The following PCDHGA3 variants were observed in gnomAD, a reference collection of about 807,000 sequenced individuals.
The protein encoded by PCDHGA3 is protocadherin gamma-A3.
PCDHGA3 carries 40 observed loss-of-function variants against 58.5 expected under a neutral mutation model. The observed-to-expected ratio is 0.68, with a 90% confidence interval of 0.53 to 0.89. PCDHGA3 has a LOEUF of 0.89. Ranked by LOEUF, PCDHGA3 falls within the 40% of genes least tolerant of loss-of-function variation. The pLI is 0.00. For missense variants in PCDHGA3, 1,223 were observed against 1,195.9 expected (o/e 1.02, Z -0.33); for synonymous variants, 530 against 525.7 (o/e 1.01, Z -0.11).
chr5:141,414,908 G>A (rs758472270), intron 1 of PCDHGA3: 19 of 1,614,188 alleles, frequency 1.2e-5, no homozygotes, highest in Non-Finnish European at 1.6e-5. Flanking sequence ...GGTTCCACAG[G>A]CGTGGAGCTG....
chr5:141,394,081 T>C, intron 1 of PCDHGA3: 3 of 1,613,892 alleles, frequency 1.9e-6, no homozygotes, highest in Non-Finnish European at 2.5e-6. Context: ...ATCACAGTGA[T>C]GGCCTCAGAT....
chr5:141,384,282 C>T (rs1230546899), intron 1 of PCDHGA3: 3 of 1,613,858 alleles, frequency 1.9e-6, no homozygotes, highest in African/African-American at 1.3e-5. Flanking sequence ...CAGTCTACAT[C>T]GCTGAGAACA....
intron 1 of PCDHGA3, chr5:141,478,613 G>T: frequency 6.4e-7 from 1 of 1,557,312 alleles, no homozygotes; most frequent in African/African-American, 1.4e-5. Flanking sequence ...ATTGAGGAAG[G>T]AATGGAGCTG....
chr5:141,432,935 C>T lies in PCDHGA3; in HGVS notation c.2425-61872C>T. The T allele has an allele frequency of 4.3e-6, 7 of 1,614,218 alleles. No homozygotes were observed. The highest frequency in any genetic ancestry group is 5.1e-6 in the Non-Finnish European group (6 of 1,180,046). On this transcript the variant is annotated intron_variant, in intron 1 of 3. Transcript: ENST00000253812. This position sits in a 1 kb window ranked among gnomAD's most constrained non-coding sequence, Gnocchi z 6.0. The stretch of plus-strand genomic sequence containing the variant: ...GCGCTGGCACAAGTCACGCCTGCTG[C>T]AGGCTTCAGGAGGCGGCTTGACAGG...
At chr5:141,505,564 G>GGATGTCAAACCTGTGTAGTTTCTCCA in intron 3 of PCDHGA3, 83 bp downstream of exon 3, 1 of 1,603,196 alleles carries the variant, frequency 6.2e-7, no homozygotes, top group Non-Finnish European at 8.5e-7. Context: ...CCCACGGACT[G>GGATGTCAAACCTGTGTAGTTTCTCCA]GATGTCAAAC....
At chr5:141,361,698 T>C (rs779293216) in intron 1 of PCDHGA3, 43 of 1,613,234 alleles carry the variant, frequency 2.7e-5, no homozygotes, top group Admixed American at 5.0e-5. Flanking sequence ...GCGCCTTCGA[T>C]CATGAGCAGC....
rs553462245 is a variant in PCDHGA3 at position 141,511,198 on chromosome 5, A to T, written c.*25A>T. Reference sequence around the variant, plus strand: ...ACATGGAGGCCAGGCCAAGAGCCACAGGGCGGCCTCTCCCCAACCAGCCCA... The same window carrying T: ...ACATGGAGGCCAGGCCAAGAGCCACTGGGCGGCCTCTCCCCAACCAGCCCA... On this transcript the variant is annotated 3_prime_UTR_variant, in exon 4 of 4. Transcript: ENST00000253812. The T allele has an allele frequency of 2.7e-5, 43 of 1,612,954 alleles. 1 individual carries two copies. The South Asian group carries it at 4.5e-4, about 17-fold the overall frequency.
At chr5:141,508,588 C>G (rs1721443459) in intron 3 of PCDHGA3, among the ~76,000 whole-genome samples, 1 of 152,176 alleles carries the variant, frequency 6.6e-6, no homozygotes, top group African/African-American at 2.4e-5. Context: ...GGGTGCTACT[C>G]AGAGATCTTG....
chr5:141,472,200 C>A (rs2099274166), intron 1 of PCDHGA3, among the ~76,000 whole-genome samples: 1 of 152,110 alleles, frequency 6.6e-6, no homozygotes, highest in Non-Finnish European at 1.5e-5. Flanking sequence ...ATCTTTTTGA[C>A]ACTAAGACCT....
chr5:141,415,056 G>T, intron 1 of PCDHGA3: 1 of 1,613,416 alleles, frequency 6.2e-7, no homozygotes. Context: ...GGGAGCACAC[G>T]GGCGAGGTGC....
intron 1 of PCDHGA3, chr5:141,384,886 G>T: frequency 6.2e-7 from 1 of 1,613,822 alleles, no homozygotes. Context: ...ACTCACCGTG[G>T]CTGTGGCTGA....
chr5:141,362,328 C>T (rs1351863626), intron 1 of PCDHGA3: 5 of 1,614,068 alleles, frequency 3.1e-6, no homozygotes, highest in Non-Finnish European at 4.2e-6. Context: ...AGCCTGGTCT[C>T]AGCTCCAAGC....
chr5:141,427,915 T>C lies in PCDHGA3; in HGVS notation c.2425-66892T>C, dbSNP rs779333176. ...GGCTCGCCCGCGCTCAGCGCCAACATGAGCCGGCGCATGTTGGTGGGCGAC... is the reference window on the plus strand; with the variant it reads ...GGCTCGCCCGCGCTCAGCGCCAACACGAGCCGGCGCATGTTGGTGGGCGAC... On this transcript the variant is annotated intron_variant, in intron 1 of 3. Transcript: ENST00000253812. The C allele has an allele frequency of 7.0e-6, 11 of 1,578,094 alleles. No individual in the cohort carries two copies. In the Admixed American group the frequency reaches 8.4e-5, roughly 12 times the overall value.
intron 2 of PCDHGA3, among the ~76,000 whole-genome samples, chr5:141,499,884 C>T (rs917762715): frequency 2.0e-5 from 3 of 152,014 alleles, no homozygotes; most frequent in Admixed American, 6.5e-5. Flanking sequence ...AACAGGGTTT[C>T]GCCATGTTGG....
chr5:141,374,863 A>C (rs1588752717), intron 1 of PCDHGA3: 1 of 1,613,784 alleles, frequency 6.2e-7, no homozygotes, highest in Non-Finnish European at 8.5e-7. Context: ...TAGGCACACC[A>C]GTGTTGGCAG....
chr5:141,389,439 G>A, intron 1 of PCDHGA3: 1 of 1,610,580 alleles, frequency 6.2e-7, no homozygotes. Context: ...GCGCGCCTTC[G>A]ACCACGAGCA....
chr5:141,489,641 C>T lies in PCDHGA3; in HGVS notation c.2425-5166C>T, dbSNP rs1356716387. On this transcript the variant is annotated intron_variant, in intron 1 of 3. Coordinates refer to ENST00000253812, the MANE Select transcript of PCDHGA3 (RefSeq NM_018916.4). This position sits in a 1 kb window ranked among gnomAD's most constrained non-coding sequence, Gnocchi z 4.5. The stretch of plus-strand genomic sequence containing the variant: ...CTCAATGACAACTCTCCTAGCTTTG[C>T]CACCCCTGAGCGAGAGATGCGCATC... The T allele has an allele frequency of 2.5e-6, 4 of 1,614,008 alleles. No individual in the cohort carries two copies. The highest frequency in any genetic ancestry group is 3.4e-6 in the Non-Finnish European group (4 of 1,180,012).
Position 141,351,701 on chromosome 5 carries a change from G to A in PCDHGA3, c.2424+5244G>A, listed in dbSNP as rs1758792333. 1.9e-6 allele frequency: 3 copies of A among 1,613,926 alleles called. No homozygotes were observed. Among genetic ancestry groups the A allele is most frequent in the African/African-American group, 2.7e-5 (2 of 75,066 alleles). The stretch of plus-strand genomic sequence containing the variant: ...CTCCGACCCGGATTTGGGACCCAAC[G>A]GCAGAGTCTCCTACTCTATTCTGGC... On this transcript the variant is annotated intron_variant, in intron 1 of 3. Transcript: ENST00000253812.
chr5:141,382,910 A>G, intron 1 of PCDHGA3: 1 of 1,546,576 alleles, frequency 6.5e-7, no homozygotes. Flanking sequence ...ATGGCGGCTC[A>G]GCCGAGGGGC....
Sources: allele counts gnomAD v4.1 joint callset (sites outside exome capture counted in the v4.1 genomes callset), GRCh38; gene constraint gnomAD v4.1.1; non-coding constraint Gnocchi (gnomAD v3.1); transcripts MANE v1.5; gene names NCBI Gene and HGNC (gene_info 2026-07-23, HGNC 2026-07-21).